The following SRRM2 variants were observed in gnomAD, a reference collection of about 807,000 sequenced individuals.
The protein encoded by SRRM2 is serine/arginine repetitive matrix 2.
A neutral mutation model predicts 213.8 loss-of-function variants in SRRM2; 30 were observed. That is an observed-to-expected ratio of 0.14 (90% confidence interval 0.10 to 0.19). SRRM2 has a LOEUF of 0.19. Ranked by LOEUF, SRRM2 falls within the 10% of genes least tolerant of loss-of-function variation. The pLI is 1.00. For missense variants in SRRM2, 4,904 were observed against 3,647.0 expected, an observed-to-expected ratio of 1.34 and a Z score of -8.88; for synonymous variants, 2,025 against 1,377.7, an observed-to-expected ratio of 1.47 and a Z score of -10.40.
At position 2,766,815 on chromosome 16, in the gene SRRM2, CAAG is replaced by C; in HGVS notation, c.6290_6292del (p.Arg2097del). The stretch of plus-strand genomic sequence containing the variant: ...TCACGATCTGCTACTCCTCCAGCAA[CAAG>C]AAATCATTCTGGTTCACGGACACCT... On this transcript the variant is annotated inframe_deletion, in exon 11 of 15. Coordinates refer to ENST00000301740, the MANE Select transcript of SRRM2 (RefSeq NM_016333.4). This position sits in a 1 kb window ranked among gnomAD's most constrained non-coding sequence, Gnocchi z 7.0. 1.9e-6 allele frequency: 3 copies of C among 1,614,206 alleles called. No individual in the cohort carries two copies. Among genetic ancestry groups the C allele is most frequent in the East Asian group, 2.2e-5 (1 of 44,888 alleles).
rs199749070 is a variant in SRRM2 at position 2,766,548 on chromosome 16, G to A, written c.6020G>A (p.Arg2007His). 7.9e-5 allele frequency: 128 copies of A among 1,613,558 alleles called. No individual in the cohort carries two copies. The highest frequency in any genetic ancestry group is 1.7e-4 in the Admixed American group (10 of 59,962). ...RTSPVTRRRS[R>H]SRTSPVTRRR... Reference sequence around the variant, plus strand: ...TCTCCAGTAACTCGAAGAAGGTCCCGCTCTCGAACCTCACCAGTGACACGC... The same window carrying A: ...TCTCCAGTAACTCGAAGAAGGTCCCACTCTCGAACCTCACCAGTGACACGC... The change falls in exon 11 of 15, where the codon CGC (arginine) becomes CAC (histidine). Residue 2007 changes from arginine to histidine, a missense_variant. Transcript: ENST00000301740. The surrounding 1 kb of genome is among the most constrained non-coding windows in gnomAD (Gnocchi z 7.0).
In SRRM2 at chr16:2,770,682, A is replaced by G; in HGVS notation, c.8214A>G (p.Thr2738=). 2 of 1,556,278 alleles carry G rather than the reference A, an allele frequency of 1.3e-6. No homozygotes were observed. Among genetic ancestry groups the G allele is most frequent in the Non-Finnish European group, 1.7e-6 (2 of 1,149,138 alleles). Residue 2738 remains threonine, a synonymous_variant, in exon 14 of 15, where the codon ACA becomes ACG. Transcript: ENST00000301740. ...RSPSHKRRRE[T]PSPRPMRHRS... ...CCAGCCACAAGCGCAGGAGGGAGAC[A>G]CCTAGCCCTCGGCCCATGAGACACC...
intron 10 of SRRM2, chr16:2,760,796 C>T (rs888011787): frequency 2.1e-5 from 6 of 289,446 alleles, no homozygotes; most frequent in East Asian, 1.4e-4. Context: ...CCGTATGATG[C>T]CTCTAGTTTC....
rs896882971 is a variant in SRRM2 at position 2,762,852 on chromosome 16, T to C, written c.2324T>C (p.Leu775Ser). Reference sequence around the variant, plus strand: ...TCCAAAGCAAAATCTCGCTTGTCTTTGAGGCGCAGCCTTTCAGGGTCTTCC... The same window carrying C: ...TCCAAAGCAAAATCTCGCTTGTCTTCGAGGCGCAGCCTTTCAGGGTCTTCC... Reference protein sequence around the residue: ...PRSKAKSRLSLRRSLSGSSPC... With the variant: ...PRSKAKSRLSSRRSLSGSSPC... The change falls in exon 11 of 15, where the codon TTG (leucine) becomes TCG (serine). Residue 775 changes from leucine (L) to serine (S), a missense_variant. Physicochemically the swap from Leu to Ser is moderately radical, Grantham distance 145 (BLOSUM62 -2). Coordinates refer to ENST00000301740, the MANE Select transcript of SRRM2 (RefSeq NM_016333.4). 5.6e-6 allele frequency: 9 copies of C among 1,614,210 alleles called. No homozygotes were observed. The highest frequency in any genetic ancestry group is 1.6e-4 in the Middle Eastern group (1 of 6,062).
intron 11 of SRRM2, 189 bp from the exon 12 acceptor site, chr16:2,768,808 G>T: frequency 8.7e-7 from 1 of 1,153,584 alleles, no homozygotes; most frequent in South Asian, 1.3e-5. Flanking sequence ...CCAGCCTGTT[G>T]CTTCTGTTAG....
intron 12 of SRRM2, chr16:2,769,848 G>A (rs1239224643): frequency 1.9e-5 from 9 of 465,624 alleles, no homozygotes; most frequent in Non-Finnish European, 3.0e-5. Flanking sequence ...CCCCACACAT[G>A]CCCTGTGCTC....
intron 10 of SRRM2, chr16:2,760,754 C>T (rs936044853): frequency 4.4e-6 from 2 of 456,666 alleles, no homozygotes; most frequent in Non-Finnish European, 8.0e-6. Context: ...ATAGATAGAA[C>T]TGGAACAAAC....
chr16:2,753,034 T>A (rs2067986727), intron 1 of SRRM2, among the ~76,000 whole-genome samples, 188 bp downstream of exon 1: 1 of 47,176 alleles, frequency 2.1e-5, no homozygotes, highest in African/African-American at 6.6e-5. Context: ...CGCGCGGGCT[T>A]CACCCCCCCC....
chr16:2,763,032 A>G lies in SRRM2; in HGVS notation c.2504A>G (p.His835Arg), dbSNP rs748094737. 1.2e-6 allele frequency: 2 copies of G among 1,614,176 alleles called. No individual in the cohort carries two copies. Among genetic ancestry groups the G allele is most frequent in the East Asian group, 2.2e-5 (1 of 44,882 alleles). The change falls in exon 11 of 15, where the codon CAT (histidine) becomes CGT (arginine). Residue 835 changes from histidine (H) to arginine (R), a missense_variant. By Grantham distance (29) the His-to-Arg change is conservative. Coordinates refer to ENST00000301740, the MANE Select transcript of SRRM2 (RefSeq NM_016333.4). Reference sequence around the variant, plus strand: ...TCTAAGACACCATCAAGACAAAGTCATTCCAGTTCATCTCCTCATCCTAAA... The same window carrying G: ...TCTAAGACACCATCAAGACAAAGTCGTTCCAGTTCATCTCCTCATCCTAAA... ...QKSKTPSRQSHSSSSPHPKVK... is the reference protein window; with the variant it reads ...QKSKTPSRQSRSSSSPHPKVK...
Position 2,758,403 on chromosome 16 carries a change from T to C in SRRM2, c.516-67T>C. 3.0e-6 allele frequency: 4 copies of C among 1,348,228 alleles called. No homozygotes were observed. The South Asian group carries it at 3.7e-5, about 12-fold the overall frequency. The allele number at this position is 1,348,228 out of a possible 1,614,324, so 83.5% of individuals were successfully genotyped here. A position where few individuals can be genotyped will look rare whatever the true frequency, so the allele number is the denominator to read the frequency against. The stretch of plus-strand genomic sequence containing the variant: ...TTTATTACTATTTTTTTAGACTCTG[T>C]CTTTTAAAGAAAAGAAAGGAATGTT... On this transcript the variant is annotated intron_variant, in intron 4 of 14. Coordinates refer to ENST00000301740, the MANE Select transcript of SRRM2 (RefSeq NM_016333.4).
chr16:2,761,090 A>G (rs2068328519), intron 10 of SRRM2, among the ~76,000 whole-genome samples: 1 of 152,218 alleles, frequency 6.6e-6, no homozygotes, highest in South Asian at 2.1e-4. Context: ...AAGGCTTTTA[A>G]TAGTCTGGTC....
intron 12 of SRRM2, chr16:2,769,534 A>T: frequency 1.6e-6 from 1 of 644,222 alleles, no homozygotes; most frequent in Non-Finnish European, 2.8e-6. Flanking sequence ...CCCTCAACAC[A>T]TAGCCTGTTC....
intron 4 of SRRM2, 40 bp downstream of exon 4, chr16:2,757,985 G>A (rs755029787): frequency 1.3e-6 from 2 of 1,583,414 alleles, no homozygotes; most frequent in East Asian, 4.5e-5. Context: ...TTCTTTTCTT[G>A]ATTGTAAGCT....
At position 2,760,388 on chromosome 16, in the gene SRRM2, T is replaced by C. The variant is rs148679408; in HGVS notation, c.921T>C (p.Asp307=). The part of the protein sequence containing the change: ...SPASGRRGEG[D]APFSEPGTTS... Reference sequence around the variant, plus strand: ...CTTCAGGGCGACGCGGGGAGGGAGATGCGCCTTTCAGTGAACCAGGTACTA... The same window carrying C: ...CTTCAGGGCGACGCGGGGAGGGAGACGCGCCTTTCAGTGAACCAGGTACTA... Residue 307 remains aspartate (D), a synonymous_variant, in exon 10 of 15, where the codon GAT becomes GAC. Transcript: ENST00000301740. The C allele has an allele frequency of 6.2e-7, 1 of 1,614,088 alleles. No individual in the cohort carries two copies. Among genetic ancestry groups the C allele is most frequent in the Non-Finnish European group, 8.5e-7 (1 of 1,180,026 alleles).
rs377611383 is a variant in SRRM2, at chr16:2,770,712, C to G, written c.8244C>G (p.Ser2748=). ...TPSPRPMRHR[S]SRSP ...GCCCTCGGCCCATGAGACACCGCTC[C>G]TCCAGGTGCGTGTCCTGGAAGGCTG... The change falls in exon 14 of 15, where the codon TCC becomes TCG. Residue 2748 remains serine (S), a synonymous_variant. Coordinates refer to ENST00000301740, the MANE Select transcript of SRRM2 (RefSeq NM_016333.4). 6.4e-7 allele frequency: 1 copy of G among 1,565,344 alleles called. No homozygotes were observed. Among genetic ancestry groups the G allele is most frequent in the Non-Finnish European group, 8.7e-7 (1 of 1,153,288 alleles).
chr16:2,759,449 C>T lies in SRRM2; in HGVS notation c.740+47C>T, dbSNP rs747274700. ...TTGCTTAGGAAGTAAGTGAACGCCA[C>T]CTTAGTGGGAGGGAGTTGAATGAGT... On this transcript the variant is annotated intron_variant, in intron 8 of 14. Transcript: ENST00000301740. 9.4e-6 allele frequency: 15 copies of T among 1,596,130 alleles called. No homozygotes were observed. The East Asian group carries it at 2.7e-4, about 29-fold the overall frequency.
chr16:2,770,616 G>C lies in SRRM2; in HGVS notation c.8148G>C (p.Glu2716Asp). 2 of 1,552,938 alleles carry C rather than the reference G, an allele frequency of 1.3e-6. No homozygotes were observed. Among genetic ancestry groups the C allele is most frequent in the Non-Finnish European group, 1.7e-6 (2 of 1,147,894 alleles). The change falls in exon 14 of 15, where the codon GAG (glutamate) becomes GAC (aspartate). Residue 2716 changes from glutamate to aspartate, a missense_variant. Glu to Asp is a conservative substitution (Grantham distance 45). Coordinates refer to ENST00000301740, the MANE Select transcript of SRRM2 (RefSeq NM_016333.4). ...TCCTGTGTTGCAGCAGCAGCAGTGA[G>C]CGGGGTTCCCGGAGAGGCCAGCGTG... ...SPRDQQSSSSERGSRRGQRGD... is the reference protein window; with the variant it reads ...SPRDQQSSSSDRGSRRGQRGD...
rs540571798 is a variant in SRRM2, at chr16:2,755,016, C to T, written c.-31-1318C>T. Among the ~76,000 whole-genome samples, 8 of 152,340 alleles carry T rather than the reference C, an allele frequency of 5.3e-5. No individual in the cohort carries two copies. In the East Asian group the frequency reaches 5.8e-4, roughly 11 times the overall value. On this transcript the variant is annotated intron_variant, in intron 1 of 14. Coordinates refer to ENST00000301740, the MANE Select transcript of SRRM2 (RefSeq NM_016333.4). ...TGGAATTTTCTAAATGCATCCTTCC[C>T]TTCTATCCAGTTCTTTTACATCTTT...
In SRRM2 at chr16:2,763,915, T is replaced by C; in HGVS notation, c.3387T>C (p.Ser1129=). 1.2e-6 allele frequency: 2 copies of C among 1,614,246 alleles called. No individual in the cohort carries two copies. The highest frequency in any genetic ancestry group is 1.7e-6 in the Non-Finnish European group (2 of 1,180,044). Residue 1129 remains serine, a synonymous_variant, in exon 11 of 15, where the codon TCT becomes TCC. Transcript: ENST00000301740. ...TCTCAGCGAGTCCTATGTTGAAATC[T>C]GGAATGTCTCCTGAGCAGAGCAGGT... ...GEFSASPMLK[S]GMSPEQSRFQ...
Sources: allele counts gnomAD v4.1 joint callset (sites outside exome capture counted in the v4.1 genomes callset), GRCh38; gene constraint gnomAD v4.1.1; non-coding constraint Gnocchi (gnomAD v3.1); transcripts MANE v1.5; gene names NCBI Gene and HGNC (gene_info 2026-07-23, HGNC 2026-07-21).